The following NXPH1 variants were observed in gnomAD, a reference collection of about 807,000 sequenced individuals.
NXPH1 encodes the protein neurexophilin 1.
Under a neutral mutation model 23.7 loss-of-function variants are expected in NXPH1, and 5 were observed. That is an observed-to-expected ratio of 0.21 (90% CI 0.11 to 0.44). NXPH1 has a LOEUF of 0.44. NXPH1 is among the 20% of genes least tolerant of loss of function. The pLI is 0.99. For synonymous variants in NXPH1, 144 were observed against 122.2 expected (o/e 1.18, Z -1.18); for missense variants, 324 against 321.6 (o/e 1.01, Z -0.06).
intron 2 of NXPH1, among the ~76,000 whole-genome samples, chr7:8,504,923 A>G (rs910009592): frequency 4.6e-5 from 7 of 152,010 alleles, no homozygotes; most frequent in Admixed American, 4.6e-4. Flanking sequence ...TGTGAAAAAT[A>G]AATATTTGTT....
intron 2 of NXPH1, among the ~76,000 whole-genome samples, chr7:8,613,166 C>G (rs1819656669): frequency 6.6e-6 from 1 of 150,410 alleles, no homozygotes; most frequent in African/African-American, 2.4e-5. Flanking sequence ...GTTTTTTTTT[C>G]AATCATTATC....
rs1383037149 is a variant in NXPH1, at chr7:8,495,989, G to A, written c.54+60222G>A. Among the ~76,000 whole-genome samples, 3 of 152,020 alleles carry A rather than the reference G, an allele frequency of 2.0e-5. No individual in the cohort carries two copies. In the East Asian group the frequency reaches 5.8e-4, roughly 29 times the overall value. ...AATAGGGCCTCCTGAAGGCACAGAG[G>A]GTTCCTGTGGAAAGAACTTAAGTAT... On this transcript the variant is annotated intron_variant, in intron 2 of 2. Coordinates refer to ENST00000405863, the MANE Select transcript of NXPH1 (RefSeq NM_152745.3).
intron 2 of NXPH1, among the ~76,000 whole-genome samples, chr7:8,469,586 G>A (rs1816838176): frequency 6.6e-6 from 1 of 152,028 alleles, no homozygotes; most frequent in Non-Finnish European, 1.5e-5. Context: ...TATGGTCCCA[G>A]GAAACAGTCA....
At chr7:8,734,144 T>G (rs1016135354) in intron 2 of NXPH1, among the ~76,000 whole-genome samples, 21 of 152,210 alleles carry the variant, frequency 1.4e-4, no homozygotes, top group Non-Finnish European at 2.8e-4. Context: ...CTTTCCCCGT[T>G]GCTTGTTTTT....
intron 2 of NXPH1, among the ~76,000 whole-genome samples, chr7:8,531,831 A>G (rs1817953640): frequency 6.6e-6 from 1 of 152,212 alleles, no homozygotes; most frequent in Non-Finnish European, 1.5e-5. Context: ...GCAGCCTACA[A>G]TATGTTCCAT....
At chr7:8,620,772 T>C (rs1475289454) in intron 2 of NXPH1, among the ~76,000 whole-genome samples, 1 of 152,210 alleles carries the variant, frequency 6.6e-6, no homozygotes, top group Admixed American at 6.5e-5. Flanking sequence ...CTAAAAATCA[T>C]CTGTATTCTT....
chr7:8,435,885 C>A lies in NXPH1; in HGVS notation c.54+118C>A. Reference sequence around the variant, plus strand: ...TTCAGTGAGAGCAGCTTCCTAGCAGCTGTGTTGGAGCAACTTTGGCAAGCT... The same window carrying A: ...TTCAGTGAGAGCAGCTTCCTAGCAGATGTGTTGGAGCAACTTTGGCAAGCT... On this transcript the variant is annotated intron_variant, in intron 2 of 2. Coordinates refer to ENST00000405863, the MANE Select transcript of NXPH1 (RefSeq NM_152745.3). This position sits in a 1 kb window ranked among gnomAD's most constrained non-coding sequence, Gnocchi z 5.9. The A allele has an allele frequency of 1.0e-6, 1 of 986,056 alleles. No individual in the cohort carries two copies. The allele number at this position is 986,056 out of a possible 1,614,324, so 61.1% of individuals were successfully genotyped here.
rs552528649 is a variant in NXPH1 at position 8,593,007 on chromosome 7, T to C, written c.54+157240T>C. Among the ~76,000 whole-genome samples the C allele has an allele frequency of 1.5e-4, 23 of 152,044 alleles. No individual in the cohort carries two copies. The East Asian group carries it at 4.3e-3, about 28-fold the overall frequency. ...ACAGAAGCTGGAGTCACTGGGAAGT[T>C]GTTTATAGCCAACCCAGGTCTGGTA... On this transcript the variant is annotated intron_variant, in intron 2 of 2. Coordinates refer to ENST00000405863, the MANE Select transcript of NXPH1 (RefSeq NM_152745.3).
At chr7:8,528,487 T>A (rs1242628336) in intron 2 of NXPH1, among the ~76,000 whole-genome samples, 1 of 152,246 alleles carries the variant, frequency 6.6e-6, no homozygotes, top group Non-Finnish European at 1.5e-5. Flanking sequence ...TAACATGAAA[T>A]CTGCACAGAT....
At chr7:8,574,879 A>G (rs1350851396) in intron 2 of NXPH1, among the ~76,000 whole-genome samples, 1 of 152,144 alleles carries the variant, frequency 6.6e-6, no homozygotes, top group South Asian at 2.1e-4. Context: ...TGAAATAGAT[A>G]AGACTTTAAA....
At chr7:8,471,045 G>T (rs1307135226) in intron 2 of NXPH1, among the ~76,000 whole-genome samples, 1 of 152,080 alleles carries the variant, frequency 6.6e-6, no homozygotes, top group Non-Finnish European at 1.5e-5. Context: ...GGTGATTGGG[G>T]TAGTGGGCAG....
At chr7:8,588,427 A>G (rs1309904120) in intron 2 of NXPH1, among the ~76,000 whole-genome samples, 3 of 151,674 alleles carry the variant, frequency 2.0e-5, no homozygotes, top group Non-Finnish European at 4.4e-5. Context: ...TAAATCAGGA[A>G]AGACAGGGAA....
At chr7:8,528,266 T>C (rs143973250) in intron 2 of NXPH1, among the ~76,000 whole-genome samples, 2,320 of 152,356 alleles carry the variant, frequency 0.015, 31 homozygotes, top group South Asian at 0.05. Context: ...GATTGTGCCC[T>C]TCTCCATGGT....
chr7:8,578,548 A>G (rs145084414), intron 2 of NXPH1, among the ~76,000 whole-genome samples: 83 of 152,336 alleles, frequency 5.4e-4, no homozygotes, highest in African/African-American at 2.0e-3. Flanking sequence ...ACTTTCATAC[A>G]ATAACTATAG....
intron 2 of NXPH1, among the ~76,000 whole-genome samples, chr7:8,476,139 GA>G (rs1816967064): frequency 6.6e-6 from 1 of 152,118 alleles, no homozygotes; most frequent in African/African-American, 2.4e-5. Flanking sequence ...TTCTAAATCT[GA>G]AAATATTTAT....
chr7:8,572,873 G>A (rs1232876980), intron 2 of NXPH1, among the ~76,000 whole-genome samples: 1 of 151,888 alleles, frequency 6.6e-6, no homozygotes, highest in Non-Finnish European at 1.5e-5. Flanking sequence ...AGGGTCATTT[G>A]AGAAGGTCTT....
At chr7:8,645,616 TTC>T (rs1820386334) in intron 2 of NXPH1, among the ~76,000 whole-genome samples, 1 of 17,738 alleles carries the variant, frequency 5.6e-5, no homozygotes, top group East Asian at 4.6e-3. Context: ...CTCTTTTTAC[TTC>T]TTCTAATGTT....
At chr7:8,497,745 T>C (rs907735757) in intron 2 of NXPH1, among the ~76,000 whole-genome samples, 13 of 152,180 alleles carry the variant, frequency 8.5e-5, no homozygotes, top group Non-Finnish European at 1.9e-4. Context: ...TTAAGTTCTT[T>C]GTAGATTCTG....
chr7:8,681,831 T>A (rs2115177238), intron 2 of NXPH1, among the ~76,000 whole-genome samples: 1 of 152,310 alleles, frequency 6.6e-6, no homozygotes, highest in East Asian at 1.9e-4. Flanking sequence ...CACATCTATA[T>A]TTTTCCAGTC....
Sources: gnomAD v4.1 joint callset for allele counts (sites outside exome capture counted in the v4.1 genomes callset) on GRCh38, gnomAD v4.1.1 for gene constraint, Gnocchi (gnomAD v3.1) non-coding constraint, MANE v1.5 for transcripts, NCBI Gene and HGNC (gene_info 2026-07-23, HGNC 2026-07-21) for gene names.